The following RGPD4 variants were observed in gnomAD, a reference collection of about 807,000 sequenced individuals.
RGPD4 encodes ranBP2-like and GRIP domain-containing protein 4.
A neutral mutation model predicts 141.1 loss-of-function variants in RGPD4; 84 were observed. The ratio of observed to expected loss-of-function variants is 0.60; its 90% CI spans 0.50 to 0.71. RGPD4 has a LOEUF of 0.71. RGPD4 is among the 30% of genes least tolerant of loss of function. RGPD4 has a pLI of 0.00. For missense variants in RGPD4, 918 were observed against 1,622.4 expected (o/e 0.57, Z 7.46); for synonymous variants, 298 against 566.8 (o/e 0.53, Z 6.74).
intron 21 of RGPD4, among the ~76,000 whole-genome samples, chr2:107,881,571 C>A (rs1055123961): frequency 7.3e-5 from 11 of 151,306 alleles, no homozygotes; most frequent in Non-Finnish European, 1.6e-4. Flanking sequence ...CTGCCTCAGC[C>A]TCCCAAAGTG....
chr2:107,890,576 A>ACCC (rs4012302), intron 22 of RGPD4, 145 bp from the exon 23 acceptor site: 3 of 88,416 alleles, frequency 3.4e-5, no homozygotes, highest in East Asian at 4.1e-4. Flanking sequence ...AAAAAAAAGA[A>ACCC]CCCCCCCCCC....
chr2:107,829,276 C>T (rs1261251079), intron 1 of RGPD4, among the ~76,000 whole-genome samples: 1 of 33,430 alleles, frequency 3.0e-5, no homozygotes, highest in Non-Finnish European at 6.8e-5. Flanking sequence ...GGCCTTGACC[C>T]GGCCCGGCGG....
At chr2:107,885,407 C>T (rs1675482721) in intron 22 of RGPD4, among the ~76,000 whole-genome samples, 2 of 152,292 alleles carry the variant, frequency 1.3e-5, no homozygotes, top group South Asian at 4.1e-4. Context: ...TAACAGCCCT[C>T]TTTTAAAAGC....
chr2:107,884,090 T>C (rs1377361390), intron 22 of RGPD4, among the ~76,000 whole-genome samples: 1 of 151,718 alleles, frequency 6.6e-6, no homozygotes, highest in Non-Finnish European at 1.5e-5. Flanking sequence ...TGGTTGATGT[T>C]CCTTAAGCTT....
rs1285743842 is a variant in RGPD4, at chr2:107,881,955, G to A, written c.5065-717G>A. Among the ~76,000 whole-genome samples the A allele has an allele frequency of 4.0e-5, 6 of 151,878 alleles. No homozygotes were observed. In the East Asian group the frequency reaches 9.6e-4, roughly 24 times the overall value. On this transcript the variant is annotated intron_variant, in intron 21 of 22. Transcript: ENST00000408999. ...CCTGGGACTTCAGGAACAGCGTAGG[G>A]GCAGGGGGTTAGTGGAGGCTACCAA...
intron 9 of RGPD4, among the ~76,000 whole-genome samples, chr2:107,857,415 A>C (rs535766273): frequency 1.3e-5 from 2 of 149,066 alleles, no homozygotes; most frequent in South Asian, 4.3e-4. Flanking sequence ...CTGGGATTAC[A>C]GGTGTGAGCC....
At chr2:107,831,805 T>C (rs1681504502) in intron 1 of RGPD4, among the ~76,000 whole-genome samples, 1 of 145,984 alleles carries the variant, frequency 6.9e-6, no homozygotes, top group Non-Finnish European at 1.5e-5. Context: ...TCTCCTGACC[T>C]CATGATCCGC....
At chr2:107,829,647 G>T (rs1177625784) in intron 1 of RGPD4, among the ~76,000 whole-genome samples, 1 of 152,100 alleles carries the variant, frequency 6.6e-6, no homozygotes, top group Non-Finnish European at 1.5e-5. Context: ...GCAGTCCTGT[G>T]GGCGGCGTGG....
rs755644331 is a variant in RGPD4 at position 107,890,742 on chromosome 2, G to C, written c.*11G>C. The stretch of plus-strand genomic sequence containing the variant: ...AAAGGTGAGGAATAAAATGCTTCCC[G>C]TTCTTCTGGATGGGCATCCTATCTT... On this transcript the variant is annotated 3_prime_UTR_variant, in exon 23 of 23. Transcript: ENST00000408999. 1.2e-6 allele frequency: 2 copies of C among 1,600,162 alleles called. No homozygotes were observed. Among genetic ancestry groups the C allele is most frequent in the Non-Finnish European group, 1.7e-6 (2 of 1,176,086 alleles).
Position 107,863,645 on chromosome 2 carries a change from A to G in RGPD4, c.2469+613A>G, listed in dbSNP as rs1004031748. Reference sequence around the variant, plus strand: ...GTAGCTGGGATTACAGGCACCCGCCACCAGGCCCAGCTAATTTTTGTATTT... The same window carrying G: ...GTAGCTGGGATTACAGGCACCCGCCGCCAGGCCCAGCTAATTTTTGTATTT... On this transcript the variant is annotated intron_variant, in intron 17 of 22. Transcript: ENST00000408999. Among the ~76,000 whole-genome samples, 95 of 151,876 alleles carry G rather than the reference A, an allele frequency of 6.3e-4. 3 individuals are homozygous for G. Among genetic ancestry groups the G allele is most frequent in the African/African-American group, 2.2e-3 (91 of 41,208 alleles).
chr2:107,872,148 A>T lies in RGPD4; in HGVS notation c.4144A>T (p.Ile1382Leu), dbSNP rs1188067222. ...GQWKERGIGD[I>L]KILQNYDNKQ... ...ATGGAAAGAAAGGGGCATTGGTGAT[A>T]TAAAGATTTTACAGAATTATGATAA... The change falls in exon 20 of 23, where the codon ATA becomes TTA. Residue 1382 changes from isoleucine to leucine, a missense_variant. By Grantham distance (5) the Ile-to-Leu change is conservative (BLOSUM62 2). Transcript: ENST00000408999. The T allele has an allele frequency of 3.1e-6, 5 of 1,611,504 alleles. No individual in the cohort carries two copies. The African/African-American group carries it at 6.7e-5, about 22-fold the overall frequency.
Position 107,871,706 on chromosome 2 carries a change from A to G in RGPD4, c.3702A>G (p.Thr1234=), listed in dbSNP as rs1682927183. 6.2e-7 allele frequency: 1 copy of G among 1,610,324 alleles called. No individual in the cohort carries two copies. Residue 1234 remains threonine (T), a synonymous_variant, in exon 20 of 23, where the codon ACA becomes ACG. Coordinates refer to ENST00000408999, the MANE Select transcript of RGPD4 (RefSeq NM_182588.3). ...CAGGTGCGGCCGGTGCCTCAGACAC[A>G]ACAATAAAACCCAATCCTGAAAACA... ...SGTGAAGASD[T]TIKPNPENTG...
intron 8 of RGPD4, among the ~76,000 whole-genome samples, chr2:107,855,487 A>G (rs1202387444): frequency 6.6e-6 from 1 of 151,996 alleles, no homozygotes; most frequent in Admixed American, 6.6e-5. Flanking sequence ...GTGGTGTCAC[A>G]GTTAGATAAA....
intron 22 of RGPD4, among the ~76,000 whole-genome samples, 164 bp from the exon 23 acceptor site, chr2:107,890,548 CAAAAAAAAA>C (rs1210623696): frequency 6.1e-5 from 1 of 16,280 alleles, no homozygotes; most frequent in African/African-American, 2.7e-4. Flanking sequence ...GACCCTGTCT[CAAAAAAAAA>C]AAAAAAAAAA....
At chr2:107,880,990 C>T (rs1675347234) in intron 21 of RGPD4, among the ~76,000 whole-genome samples, 1 of 151,794 alleles carries the variant, frequency 6.6e-6, no homozygotes, top group African/African-American at 2.4e-5. Flanking sequence ...TATTTAATCT[C>T]ATCACTGGTT....
intron 9 of RGPD4, among the ~76,000 whole-genome samples, chr2:107,857,837 C>G (rs1020542090): frequency 1.3e-5 from 2 of 151,456 alleles, no homozygotes; most frequent in African/African-American, 4.9e-5. Flanking sequence ...ACTAAAAATA[C>G]AAAAATTATC....
In RGPD4 at chr2:107,882,688, TAAG is replaced by T. The variant is rs758370256; in HGVS notation, c.5086_5088del (p.Arg1696del). On this transcript the variant is annotated inframe_deletion, in exon 22 of 23. Coordinates refer to ENST00000408999, the MANE Select transcript of RGPD4 (RefSeq NM_182588.3). ...TAACACCAGCTTCTCAAAAGTGAAA[TAAG>T]AAGATTGGAAAGGAATCAAGAGCAA... The T allele has an allele frequency of 5.6e-6, 9 of 1,611,156 alleles. No homozygotes were observed. Among genetic ancestry groups the T allele is most frequent in the African/African-American group, 5.4e-5 (4 of 74,318 alleles).
chr2:107,859,522 T>C lies in RGPD4; in HGVS notation c.1602T>C (p.Asp534=), dbSNP rs1412183311. ...LCTERQKSWW[D]AVCTLIHRKA... is the part of the protein sequence containing the mutation. The stretch of plus-strand genomic sequence containing the variant: ...CAGAAAGACAAAAATCTTGGTGGGA[T>C]GCGGTTTGTACTCTGATTCACAGAA... The change falls in exon 11 of 23, where the codon GAT becomes GAC. Residue 534 remains aspartate (D), a synonymous_variant. Transcript: ENST00000408999. The C allele has an allele frequency of 6.2e-7, 1 of 1,611,304 alleles. No individual in the cohort carries two copies. Among genetic ancestry groups the C allele is most frequent in the East Asian group, 2.2e-5 (1 of 44,880 alleles).
intron 18 of RGPD4, 63 bp from the exon 19 acceptor site, chr2:107,869,820 G>A: frequency 6.5e-7 from 1 of 1,529,602 alleles, no homozygotes; most frequent in African/African-American, 1.4e-5. Context: ...CTCTTGACTA[G>A]ATAGTCTTAA....
Sources: allele counts gnomAD v4.1 joint callset (sites outside exome capture counted in the v4.1 genomes callset), GRCh38; gene constraint gnomAD v4.1.1; transcripts MANE v1.5; gene names NCBI Gene and HGNC (gene_info 2026-07-23, HGNC 2026-07-21).